OBP2B: variants seen among roughly 807,000 people sequenced by gnomAD.
The protein encoded by OBP2B is odorant-binding protein 2b.
OBP2B carries 10 observed loss-of-function variants against 21.7 expected under a neutral mutation model. The observed-to-expected ratio is 0.46, with a 90% CI of 0.28 to 0.78. The LOEUF is 0.78. Among genes scored for constraint, OBP2B ranks in the 30% least tolerant of loss-of-function variants. OBP2B has a pLI of 0.11. For synonymous variants in OBP2B, 73 were observed against 91.5 expected, an observed-to-expected ratio of 0.80 and a Z score of 1.16; for missense variants, 153 against 217.7, an observed-to-expected ratio of 0.70 and a Z score of 1.87.
At chr9:133,207,673 TCGGCCTCCC>T (rs1833778863) in intron 3 of OBP2B, among the ~76,000 whole-genome samples, 1 of 139,336 alleles carries the variant, frequency 7.2e-6, no homozygotes, top group African/African-American at 3.0e-5. Flanking sequence ...GCACTAACCC[TCGGCCTCCC>T]CATCCCTAAC....
At chr9:133,212,520 G>A (rs557304833), upstream of OBP2B, among the ~76,000 whole-genome samples, 35 of 152,342 alleles carry the variant, frequency 2.3e-4, no homozygotes, top group Middle Eastern at 3.4e-3. Context: ...ATGCCAGAAA[G>A]ATAATGGAAA....
chr9:133,216,976 T>TAA, the OBP2B span, among the ~76,000 whole-genome samples: 1 of 142,912 alleles, frequency 7.0e-6, no homozygotes, highest in Non-Finnish European at 1.5e-5. Context: ...CATAAATGCT[T>TAA]AAAAAAAAAA....
chr9:133,209,014 G>T lies in OBP2B; in HGVS notation c.72+114C>A. The T allele has an allele frequency of 1.0e-6, 1 of 976,658 alleles. No individual in the cohort carries two copies. The highest frequency in any genetic ancestry group is 2.6e-5 in the East Asian group (1 of 38,280). The allele number at this position is 976,658 out of a possible 1,614,324, so 60.5% of individuals were successfully genotyped here. On this transcript the variant is annotated intron_variant, in intron 1 of 6. Coordinates refer to ENST00000372034, the MANE Select transcript of OBP2B (RefSeq NM_014581.4). This position sits in a 1 kb window ranked among gnomAD's most constrained non-coding sequence, Gnocchi z 6.0. ...CCTCCACCACCACCCCAGGCTGGGA[G>T]CACGGGGTCAGAAGCCAGCCTTCAG...
chr9:133,209,910 G>C (rs527273297), upstream of OBP2B, among the ~76,000 whole-genome samples: 1 of 152,294 alleles, frequency 6.6e-6, no homozygotes. The surrounding 1 kb of genome is among the most constrained non-coding windows in gnomAD (Gnocchi z 6.0). Flanking sequence ...GAGCCTGGCT[G>C]TGCTGTCCTC....
At chr9:133,207,194 G>C in intron 4 of OBP2B, 32 bp downstream of exon 4, 1 of 1,433,870 alleles carries the variant, frequency 7.0e-7, no homozygotes. Context: ...AGACCGTGGG[G>C]CAGGACACGC....
chr9:133,213,179 G>A (rs1833936311), upstream of OBP2B, among the ~76,000 whole-genome samples: 1 of 152,148 alleles, frequency 6.6e-6, no homozygotes, highest in Non-Finnish European at 1.5e-5. Flanking sequence ...GGTGGAGGTT[G>A]CAGTGAGCCA....
At chr9:133,217,177 C>G in the OBP2B span, among the ~76,000 whole-genome samples, 387 of 152,218 alleles carry the variant, frequency 2.5e-3, no homozygotes, top group African/African-American at 8.9e-3. Context: ...TTCTAGATGC[C>G]TCTCATTCTT....
At chr9:133,212,461 A>C (rs538700188), upstream of OBP2B, among the ~76,000 whole-genome samples, 10 of 152,368 alleles carry the variant, frequency 6.6e-5, no homozygotes, top group Admixed American at 2.0e-4. Context: ...TAAAAATTTA[A>C]ATGATATAGA....
chr9:133,214,885 A>G, the OBP2B span, among the ~76,000 whole-genome samples: 4 of 152,262 alleles, frequency 2.6e-5, no homozygotes, highest in East Asian at 1.9e-4. Context: ...TGTATTTAAC[A>G]TAGTACAGAA....
chr9:133,205,817 C>T lies in OBP2B; in HGVS notation c.*1+100G>A. ...CGTGCCTGACCCTGGGGGGGTCTCC[C>T]TGGCTGTGTGGGATGGGAGGGGCCA... is the stretch of plus-strand genomic sequence containing the variant. On this transcript the variant is annotated intron_variant, in intron 6 of 6. Transcript: ENST00000372034. 6 of 1,561,686 alleles carry T rather than the reference C, an allele frequency of 3.8e-6. No individual in the cohort carries two copies. The Admixed American group carries it at 5.1e-5, about 13-fold the overall frequency.
Position 133,206,435 on chromosome 9 carries a change from G to A in OBP2B, c.389-19C>T, listed in dbSNP as rs782490006. 4 of 1,612,934 alleles carry A rather than the reference G, an allele frequency of 2.5e-6. No homozygotes were observed. ...TTCCTACCTGCAGGTGAGGTGGCCA[G>A]GTGAGCCGACGTGGGGACAGCGGCA... On this transcript the variant is annotated intron_variant, in intron 4 of 6. Transcript: ENST00000372034.
chr9:133,212,617 T>C (rs1361303349), upstream of OBP2B, among the ~76,000 whole-genome samples: 2 of 152,196 alleles, frequency 1.3e-5, no homozygotes, highest in African/African-American at 4.8e-5. Context: ...AAAAATATAC[T>C]AGGCTGGATG....
rs565109635 is a variant in OBP2B at position 133,209,161 on chromosome 9, G to A, written c.39C>T (p.Ala13=). Residue 13 remains alanine, a synonymous_variant, in exon 1 of 7, where the codon GCC becomes GCT. Transcript: ENST00000372034. This position sits in a 1 kb window ranked among gnomAD's most constrained non-coding sequence, Gnocchi z 6.0. ...TLFLGVTLGL[A]AALSFTLEEE... Reference sequence around the variant, plus strand: ...CCTCCAGGGTGAAGGACAGGGCAGCGGCCAGGCCGAGCGTGACACCCAGGA... The same window carrying A: ...CCTCCAGGGTGAAGGACAGGGCAGCAGCCAGGCCGAGCGTGACACCCAGGA... The A allele has an allele frequency of 3.5e-5, 56 of 1,604,290 alleles. No individual in the cohort carries two copies. The East Asian group carries it at 1.0e-3, about 29-fold the overall frequency.
chr9:133,217,026 T>C, the OBP2B span, among the ~76,000 whole-genome samples: 1 of 151,354 alleles, frequency 6.6e-6, no homozygotes, highest in Admixed American at 6.6e-5. Flanking sequence ...CTCAGAAGCA[T>C]CATTTCAACA....
At chr9:133,206,793 C>A (rs1242368978) in intron 4 of OBP2B, among the ~76,000 whole-genome samples, 4 of 151,898 alleles carry the variant, frequency 2.6e-5, no homozygotes, top group Non-Finnish European at 4.4e-5. Flanking sequence ...CGGGGACTCT[C>A]CAAGCCACTC....
intron 3 of OBP2B, chr9:133,207,765 T>G (rs2119395585): frequency 1.0e-6 from 1 of 974,502 alleles, no homozygotes; most frequent in Middle Eastern, 2.3e-4. Context: ...ACCCTCAGCC[T>G]CCCCATCCTT....
the OBP2B span, among the ~76,000 whole-genome samples, chr9:133,215,214 C>A: frequency 2.0e-5 from 3 of 152,012 alleles, no homozygotes; most frequent in African/African-American, 4.8e-5. Context: ...GTTTAACAAC[C>A]CATATGCTGG....
rs138931355 is a variant in OBP2B at position 133,207,696 on chromosome 9, C to T, written c.278-360G>A. 52 of 527,708 alleles carry T rather than the reference C, an allele frequency of 9.9e-5. 1 individual carries two copies. Among genetic ancestry groups the T allele is most frequent in the East Asian group, 9.7e-4 (21 of 21,680 alleles). The allele number at this position is 527,708 out of a possible 1,614,324, so 32.7% of individuals were successfully genotyped here. A position where few individuals can be genotyped will look rare whatever the true frequency, so the allele number is the denominator to read the frequency against. ...CCTCGGCCTCCCCATCCCTAACCCT[C>T]GGCCTCCTCATCCCTAACCCTCAGC... On this transcript the variant is annotated intron_variant, in intron 3 of 6. Coordinates refer to ENST00000372034, the MANE Select transcript of OBP2B (RefSeq NM_014581.4).
chr9:133,216,070 G>A, the OBP2B span, among the ~76,000 whole-genome samples: 2 of 151,952 alleles, frequency 1.3e-5, no homozygotes, highest in African/African-American at 2.4e-5. Context: ...ATCCATAAAA[G>A]GAAAAATTGT....
Sources: gnomAD v4.1 joint callset for allele counts (sites outside exome capture counted in the v4.1 genomes callset) on GRCh38, gnomAD v4.1.1 for gene constraint, Gnocchi (gnomAD v3.1) non-coding constraint, MANE v1.5 for transcripts, NCBI Gene and HGNC (gene_info 2026-07-23, HGNC 2026-07-21) for gene names.